GPC6: variants seen among roughly 807,000 people sequenced by gnomAD.
GPC6 encodes the protein glypican 6.
In GPC6, 14 loss-of-function variants were observed where a neutral mutation model predicts 55.2. The ratio of observed to expected loss-of-function variants is 0.25; its 90% CI spans 0.17 to 0.40. The LOEUF is 0.40. GPC6 is among the 10% of genes least tolerant of loss of function. GPC6 has a pLI of 1.00. For missense variants in GPC6, 641 were observed against 708.5 expected, an observed-to-expected ratio of 0.90 and a Z score of 1.08; for synonymous variants, 278 against 259.6, an observed-to-expected ratio of 1.07 and a Z score of -0.68.
At chr13:93,894,014 A>G (rs1441540950) in intron 3 of GPC6, among the ~76,000 whole-genome samples, 1 of 152,176 alleles carries the variant, frequency 6.6e-6, no homozygotes, top group Non-Finnish European at 1.5e-5. Flanking sequence ...CCATGATGGC[A>G]CTTACTTGGT....
At chr13:93,697,144 A>G (rs1882489506) in intron 2 of GPC6, among the ~76,000 whole-genome samples, 1 of 152,026 alleles carries the variant, frequency 6.6e-6, no homozygotes, top group Non-Finnish European at 1.5e-5. Context: ...GGCCCTACTG[A>G]TAATACCTGG....
chr13:93,621,472 T>C (rs1378670069), intron 2 of GPC6, among the ~76,000 whole-genome samples: 1 of 152,182 alleles, frequency 6.6e-6, no homozygotes, highest in Non-Finnish European at 1.5e-5. Flanking sequence ...GATAATAACT[T>C]GGATGTGTTC....
At chr13:93,249,064 C>G (rs1445469682) in intron 1 of GPC6, among the ~76,000 whole-genome samples, 2 of 152,142 alleles carry the variant, frequency 1.3e-5, no homozygotes, top group African/African-American at 4.8e-5. Flanking sequence ...ATCCTAGGAC[C>G]TATTCACTGG....
At chr13:93,549,479 G>A (rs1283839658) in intron 2 of GPC6, among the ~76,000 whole-genome samples, 2 of 152,104 alleles carry the variant, frequency 1.3e-5, no homozygotes, top group South Asian at 2.1e-4. Flanking sequence ...TGCCCTTCAT[G>A]GATTTTTAAC....
intron 1 of GPC6, among the ~76,000 whole-genome samples, chr13:93,276,874 C>T (rs1877773640): frequency 6.6e-6 from 1 of 152,124 alleles, no homozygotes; most frequent in South Asian, 2.1e-4. Flanking sequence ...ACTTCTTTTC[C>T]TGCTATTCTC....
intron 1 of GPC6, among the ~76,000 whole-genome samples, chr13:93,499,982 C>G (rs548726236): frequency 6.6e-6 from 1 of 152,166 alleles, no homozygotes; most frequent in Non-Finnish European, 1.5e-5. Flanking sequence ...GACAATCTTA[C>G]ACACTCTTCA....
At chr13:93,931,628 G>A (rs1339213679) in intron 3 of GPC6, among the ~76,000 whole-genome samples, 1 of 151,884 alleles carries the variant, frequency 6.6e-6, no homozygotes, top group Non-Finnish European at 1.5e-5. Flanking sequence ...GCTGGACGTG[G>A]TGGCGGGCAC....
intron 1 of GPC6, among the ~76,000 whole-genome samples, chr13:93,525,901 A>G (rs1364514723): frequency 6.6e-6 from 1 of 152,130 alleles, no homozygotes; most frequent in Non-Finnish European, 1.5e-5. Flanking sequence ...CAACCTACTC[A>G]CACAAGACCC....
intron 2 of GPC6, among the ~76,000 whole-genome samples, chr13:93,584,888 C>T (rs1877120719): frequency 6.6e-6 from 1 of 151,850 alleles, no homozygotes; most frequent in African/African-American, 2.4e-5. Context: ...CTGGGTTTCA[C>T]CACATTGCCC....
intron 2 of GPC6, among the ~76,000 whole-genome samples, chr13:93,629,202 G>T (rs554839814): frequency 3.0e-4 from 46 of 152,240 alleles, no homozygotes; most frequent in African/African-American, 1.1e-3. Flanking sequence ...TGTTTAAGTA[G>T]ATACTAAGTC....
chr13:93,697,186 C>A (rs1269821743), intron 2 of GPC6, among the ~76,000 whole-genome samples: 1 of 152,138 alleles, frequency 6.6e-6, no homozygotes, highest in Non-Finnish European at 1.5e-5. Flanking sequence ...TCAGCTCTCA[C>A]TTCCCTTCAC....
chr13:93,511,986 C>A (rs1204603432), intron 1 of GPC6, among the ~76,000 whole-genome samples: 1 of 151,816 alleles, frequency 6.6e-6, no homozygotes, highest in Non-Finnish European at 1.5e-5. Context: ...TTGACTAGAT[C>A]ATTAGTGGTG....
intron 7 of GPC6, among the ~76,000 whole-genome samples, chr13:94,392,750 A>G (rs1566752933): frequency 2.5e-4 from 5 of 20,268 alleles, no homozygotes; most frequent in Admixed American, 4.9e-4. Context: ...CGAACTCTCG[A>G]CCTCAGGTGA....
chr13:94,400,878 G>A (rs1488618059), intron 8 of GPC6, among the ~76,000 whole-genome samples: 3 of 152,210 alleles, frequency 2.0e-5, no homozygotes, highest in South Asian at 2.1e-4. Context: ...CTAACAGATA[G>A]ATGTTATTAC....
intron 2 of GPC6, among the ~76,000 whole-genome samples, chr13:93,690,605 C>G (rs139831686): frequency 2.6e-5 from 4 of 151,720 alleles, no homozygotes; most frequent in Non-Finnish European, 2.9e-5. Flanking sequence ...TCTAAGACTG[C>G]GTTACTTTCT....
chr13:94,099,230 C>A (rs1020697088), intron 4 of GPC6, among the ~76,000 whole-genome samples: 1 of 152,028 alleles, frequency 6.6e-6, no homozygotes, highest in Non-Finnish European at 1.5e-5. Flanking sequence ...ATTGGACGTT[C>A]TTGTTTTCAA....
At chr13:93,265,226 A>G (rs1215864972) in intron 1 of GPC6, among the ~76,000 whole-genome samples, 2 of 152,252 alleles carry the variant, frequency 1.3e-5, no homozygotes, top group Non-Finnish European at 2.9e-5. Flanking sequence ...AAGAGCTGCC[A>G]TAAACTTTAA....
intron 3 of GPC6, among the ~76,000 whole-genome samples, chr13:93,900,171 T>G (rs1385140992): frequency 6.6e-6 from 1 of 152,056 alleles, no homozygotes; most frequent in Non-Finnish European, 1.5e-5. Context: ...TTTAAGTGAC[T>G]TAAGAATCTT....
intron 3 of GPC6, among the ~76,000 whole-genome samples, chr13:93,841,728 C>T (rs1164425655): frequency 1.3e-5 from 2 of 152,154 alleles, no homozygotes; most frequent in African/African-American, 4.8e-5. Flanking sequence ...TTCATTTTTG[C>T]CCTTGCAGGA....
Sources: gnomAD v4.1 joint callset for allele counts (sites outside exome capture counted in the v4.1 genomes callset) on GRCh38, gnomAD v4.1.1 for gene constraint, MANE v1.5 for transcripts, NCBI Gene and HGNC (gene_info 2026-07-23, HGNC 2026-07-21) for gene names.